CARM1: variants seen among roughly 807,000 people sequenced by gnomAD.
CARM1 encodes the protein histone-arginine methyltransferase CARM1.
A neutral mutation model predicts 72.7 loss-of-function variants in CARM1; 14 were observed. The ratio of observed to expected loss-of-function variants is 0.19; its 90% CI spans 0.13 to 0.30. The LOEUF (loss-of-function observed/expected upper bound fraction) is 0.30, where lower values mean the gene tolerates loss of function less well. Ranked by LOEUF, CARM1 falls within the 10% of genes least tolerant of loss-of-function variation. The pLI, the probability that CARM1 is intolerant of heterozygous loss-of-function variation, is 1.00. For synonymous variants in CARM1, 333 were observed against 345.5 expected (o/e 0.96, Z 0.40); for missense variants, 432 against 833.7 (o/e 0.52, Z 5.93).
chr19:10,906,909 T>TATTTC (rs1332876685), intron 2 of CARM1, among the ~76,000 whole-genome samples: 2 of 149,958 alleles, frequency 1.3e-5, no homozygotes, highest in Admixed American at 6.7e-5. Flanking sequence ...TATTTTATTT[T>TATTTC]ATTTTATTTT....
At chr19:10,900,827 G>T (rs1197132138) in intron 1 of CARM1, among the ~76,000 whole-genome samples, 1 of 152,032 alleles carries the variant, frequency 6.6e-6, no homozygotes, top group East Asian at 1.9e-4. Flanking sequence ...GGGACTACAG[G>T]CACCCGTCAC....
chr19:10,921,216 C>T, intron 14 of CARM1, 89 bp downstream of exon 14: 1 of 1,473,134 alleles, frequency 6.8e-7, no homozygotes, highest in Non-Finnish European at 9.5e-7. Context: ...CAGGGTCGGC[C>T]TCTGCTTGGT....
chr19:10,919,435 G>A (rs561476419), intron 8 of CARM1, 160 bp from the exon 9 acceptor site: 25 of 607,006 alleles, frequency 4.1e-5, no homozygotes, highest in Admixed American at 9.1e-5. Flanking sequence ...CCTCGGTGGC[G>A]TTGTGCCGGT....
chr19:10,910,049 G>C (rs1005733941), intron 4 of CARM1, among the ~76,000 whole-genome samples: 2 of 151,962 alleles, frequency 1.3e-5, no homozygotes, highest in Non-Finnish European at 2.9e-5. Flanking sequence ...GCTGTGATTG[G>C]GGTACTGCTC....
intron 1 of CARM1, among the ~76,000 whole-genome samples, chr19:10,881,388 G>A (rs1754405370): frequency 6.6e-6 from 1 of 152,230 alleles, no homozygotes; most frequent in South Asian, 2.1e-4. Flanking sequence ...CTGGAGGACA[G>A]CACCTGATTG....
chr19:10,888,970 A>C (rs1471619940), intron 1 of CARM1, among the ~76,000 whole-genome samples: 1 of 152,214 alleles, frequency 6.6e-6, no homozygotes, highest in Non-Finnish European at 1.5e-5. Flanking sequence ...GGTGGAGCTT[A>C]GGGACCAGAC....
chr19:10,913,902 C>A lies in CARM1; in HGVS notation c.695C>A (p.Thr232Lys), dbSNP rs527617157. 1 of 1,613,284 alleles carries A rather than the reference C, an allele frequency of 6.2e-7. No individual in the cohort carries two copies. Among genetic ancestry groups the A allele is most frequent in the African/African-American group, 1.3e-5 (1 of 75,034 alleles). ...AEVLVKSNNL[T>K]DRIVVIPGKV... ...GTCTTGGTGAAGAGTAACAACCTGA[C>A]GGACCGCATCGTGGTCATCCCGGGC... The change falls in exon 6 of 16, where the codon ACG becomes AAG. Residue 232 changes from threonine (T) to lysine (K), a missense_variant. Around this residue, in one of 3 missense-constraint regions of CARM1, gnomAD observed 152 missense variants for 452.8 expected, o/e 0.34. Transcript: ENST00000327064.
chr19:10,898,710 G>A (rs527971828), intron 1 of CARM1, among the ~76,000 whole-genome samples: 3 of 152,304 alleles, frequency 2.0e-5, no homozygotes, highest in East Asian at 3.9e-4. Flanking sequence ...TGTGCGTCCC[G>A]GGCCCCAAGG....
intron 1 of CARM1, among the ~76,000 whole-genome samples, chr19:10,878,268 A>G (rs2073877915): frequency 6.6e-6 from 1 of 152,252 alleles, no homozygotes; most frequent in African/African-American, 2.4e-5. Context: ...AGTGTCCTGC[A>G]AAACCTGAAA....
At chr19:10,900,178 G>A (rs2074053726) in intron 1 of CARM1, among the ~76,000 whole-genome samples, 1 of 152,166 alleles carries the variant, frequency 6.6e-6, no homozygotes, top group Admixed American at 6.6e-5. Flanking sequence ...CAGGGGTGGT[G>A]GCATGTGCGT....
In CARM1 at chr19:10,921,923, C is replaced by T; in HGVS notation, c.*166C>T. On this transcript the variant is annotated 3_prime_UTR_variant, in exon 16 of 16. Coordinates refer to ENST00000327064, the MANE Select transcript of CARM1 (RefSeq NM_199141.2). ...TTTTTACACGATGTTGCCGCCGTCCCCACCCTAACCCCCACCTCCCGGCCC... is the reference window on the plus strand; with the variant it reads ...TTTTTACACGATGTTGCCGCCGTCCTCACCCTAACCCCCACCTCCCGGCCC... 6.3e-6 allele frequency: 4 copies of T among 634,162 alleles called. No homozygotes were observed. In the South Asian group the frequency reaches 8.3e-5, roughly 13 times the overall value. 39.3% of individuals were successfully genotyped at this position (634,162 alleles called of 1,614,324 possible).
chr19:10,921,628 C>T lies in CARM1; in HGVS notation c.1698C>T (p.Ala566=). 6.2e-7 allele frequency: 1 copy of T among 1,612,374 alleles called. No homozygotes were observed. The highest frequency in any genetic ancestry group is 8.5e-7 in the Non-Finnish European group (1 of 1,179,038). ...CCTGCTCCACAGGGTCCTCCGGCGC[C>T]CAGGGCAGTGGTGGTGGCAGCACGA... ...STGIVQGSSG[A]QGSGGGSTSA... is the part of the protein sequence containing the mutation. The change falls in exon 16 of 16, where the codon GCC becomes GCT. Residue 566 remains alanine (A), a synonymous_variant. Coordinates refer to ENST00000327064, the MANE Select transcript of CARM1 (RefSeq NM_199141.2).
Position 10,916,330 on chromosome 19 carries a change from G to T in CARM1, c.848-77G>T. ...GGGAGCACCCAGGGTTGGGGGTCTT[G>T]GGGTCCTTTGGAAGCTCTGCCAGGC... On this transcript the variant is annotated intron_variant, in intron 6 of 15. Transcript: ENST00000327064. The surrounding 1 kb of genome is among the most constrained non-coding windows in gnomAD (Gnocchi z 4.4). The T allele has an allele frequency of 1.0e-6, 1 of 977,182 alleles. No individual in the cohort carries two copies. Among genetic ancestry groups the T allele is most frequent in the Non-Finnish European group, 1.6e-6 (1 of 614,038 alleles). The allele number at this position is 977,182 out of a possible 1,614,324, so 60.5% of individuals were successfully genotyped here.
In CARM1 at chr19:10,917,674, CTT is replaced by C. The variant is rs542365713; in HGVS notation, c.1020+900_1020+901del. 3.1e-4 allele frequency among the ~76,000 whole-genome samples: 46 copies of C among 150,332 alleles called. 1 individual carries two copies. In the East Asian group the frequency reaches 8.2e-3, roughly 27 times the overall value. Reference sequence around the variant, plus strand: ...CCATATCTCAGATGATTGTTATACTCTTTTCTGTCTTTTCCATCCATTTTTTT... The same window carrying C: ...CCATATCTCAGATGATTGTTATACTCTTCTGTCTTTTCCATCCATTTTTTT... On this transcript the variant is annotated intron_variant, in intron 8 of 15. Transcript: ENST00000327064.
At position 10,905,063 on chromosome 19, in the gene CARM1, C is replaced by T. The variant is rs573080689; in HGVS notation, c.333C>T (p.Phe111=). The T allele has an allele frequency of 3.0e-5, 49 of 1,613,936 alleles. No homozygotes were observed. The highest frequency in any genetic ancestry group is 2.0e-4 in the African/African-American group (15 of 75,064). ...TLGCNSVLIQ[F]ATPNDFCSFY... ...GCTGCAACAGCGTCCTCATCCAGTTCGCCACACCCAACGGTACGTGGCCCT... is the reference window on the plus strand; with the variant it reads ...GCTGCAACAGCGTCCTCATCCAGTTTGCCACACCCAACGGTACGTGGCCCT... Residue 111 remains phenylalanine, a synonymous_variant, in exon 2 of 16, where the codon TTC becomes TTT. Transcript: ENST00000327064.
At chr19:10,899,824 G>T (rs1383276329) in intron 1 of CARM1, among the ~76,000 whole-genome samples, 2 of 151,434 alleles carry the variant, frequency 1.3e-5, no homozygotes, top group Non-Finnish European at 2.9e-5. Context: ...GGGTTCAAGC[G>T]ATTCTCCTGC....
Position 10,912,648 on chromosome 19 carries a change from C to T in CARM1, c.669+354C>T, listed in dbSNP as rs527634767. Among the ~76,000 whole-genome samples, 7 of 150,016 alleles carry T rather than the reference C, an allele frequency of 4.7e-5. No individual in the cohort carries two copies. The highest frequency in any genetic ancestry group is 4.4e-4 in the South Asian group (2 of 4,592). ...CAGCCCCATCATGAGAGAGGAGCTA[C>T]GGCCACAAAGTCTGAGCAGAGCTAT... On this transcript the variant is annotated intron_variant, in intron 5 of 15. Coordinates refer to ENST00000327064, the MANE Select transcript of CARM1 (RefSeq NM_199141.2). The surrounding 1 kb of genome is among the most constrained non-coding windows in gnomAD (Gnocchi z 4.5).
chr19:10,882,967 A>T (rs78846934), intron 1 of CARM1, among the ~76,000 whole-genome samples: 5,416 of 152,212 alleles, frequency 0.036, 421 homozygotes, highest in East Asian at 0.35. Flanking sequence ...TGGCCTGGCC[A>T]GAGAGAGGTG....
chr19:10,886,294 G>T (rs1445082620), intron 1 of CARM1, among the ~76,000 whole-genome samples: 3 of 151,448 alleles, frequency 2.0e-5, no homozygotes, highest in African/African-American at 4.8e-5. Context: ...GACCTCAGGT[G>T]ATCCACCCGC....
Sources: gnomAD v4.1 joint callset for allele counts (sites outside exome capture counted in the v4.1 genomes callset) on GRCh38, gnomAD v4.1.1 for gene constraint, gnomAD v4.1.1 regional missense constraint, Gnocchi (gnomAD v3.1) non-coding constraint, MANE v1.5 for transcripts, NCBI Gene and HGNC (gene_info 2026-07-23, HGNC 2026-07-21) for gene names.